NRG3: variants seen among roughly 807,000 people sequenced by gnomAD.
The protein encoded by NRG3 is neuregulin 3.
Under a neutral mutation model 66.9 loss-of-function variants are expected in NRG3, and 31 were observed. The observed-to-expected ratio is 0.46, with a 90% CI of 0.35 to 0.63. The LOEUF (loss-of-function observed/expected upper bound fraction) is 0.63. Ranked by LOEUF, NRG3 falls within the 20% of genes least tolerant of loss-of-function variation. The pLI is 0.00. For synonymous variants in NRG3, 393 were observed against 359.4 expected, an observed-to-expected ratio of 1.09 and a Z score of -1.06; for missense variants, 910 against 878.9, an observed-to-expected ratio of 1.04 and a Z score of -0.45.
At chr10:81,977,125 G>T (rs968472736) in intron 1 of NRG3, among the ~76,000 whole-genome samples, 4 of 152,172 alleles carry the variant, frequency 2.6e-5, no homozygotes, top group African/African-American at 4.8e-5. Flanking sequence ...GTCAGGCACT[G>T]CATTAAAATT....
chr10:82,475,005 A>G (rs546854158), intron 2 of NRG3, among the ~76,000 whole-genome samples: 5 of 152,122 alleles, frequency 3.3e-5, no homozygotes, highest in African/African-American at 1.2e-4. Context: ...AAGAAAAAAA[A>G]CTTATCAACC....
chr10:81,895,351 TAAC>T (rs1225369301), intron 1 of NRG3, among the ~76,000 whole-genome samples: 3 of 152,146 alleles, frequency 2.0e-5, no homozygotes, highest in Non-Finnish European at 2.9e-5. Flanking sequence ...TACATTCTAA[TAAC>T]AGCCCCAAAA....
chr10:82,347,896 C>CT (rs1346860253), intron 1 of NRG3, among the ~76,000 whole-genome samples: 1 of 151,556 alleles, frequency 6.6e-6, no homozygotes, highest in African/African-American at 2.4e-5. Flanking sequence ...CAACCCCTGC[C>CT]TTTTTTTGTT....
chr10:82,730,786 C>T lies in NRG3; in HGVS notation c.954-7791C>T, dbSNP rs1262770553. ...ATTCTCCATAGTCAAACTTAGATCT[C>T]AGTTTCCGTGATGAGTGGCTGGGGA... On this transcript the variant is annotated intron_variant, in intron 2 of 8. Transcript: ENST00000372141. 2.6e-5 allele frequency among the ~76,000 whole-genome samples: 4 copies of T among 152,160 alleles called. No homozygotes were observed. In the East Asian group the frequency reaches 7.7e-4, roughly 29 times the overall value.
chr10:82,325,559 T>C (rs1446016234), intron 1 of NRG3, among the ~76,000 whole-genome samples: 1 of 152,188 alleles, frequency 6.6e-6, no homozygotes, highest in Non-Finnish European at 1.5e-5. Context: ...TAAAGTGGGC[T>C]TTTTGTAGGC....
intron 2 of NRG3, among the ~76,000 whole-genome samples, chr10:82,599,159 T>C (rs769283718): frequency 1.3e-5 from 2 of 152,248 alleles, no homozygotes; most frequent in Admixed American, 6.5e-5. Context: ...CTGAGAATAA[T>C]TGAGAACTAA....
chr10:82,810,736 C>CT (rs1012232759), intron 3 of NRG3, among the ~76,000 whole-genome samples: 16 of 116,712 alleles, frequency 1.4e-4, no homozygotes, highest in Admixed American at 8.0e-4. Flanking sequence ...GCACTCCAGC[C>CT]TAAAAAAAAA....
At chr10:82,671,089 A>G (rs1490902336) in intron 2 of NRG3, among the ~76,000 whole-genome samples, 3 of 152,144 alleles carry the variant, frequency 2.0e-5, no homozygotes, top group Admixed American at 1.3e-4. Flanking sequence ...CTGCATCCAC[A>G]ATATGTTGCC....
Position 82,421,605 on chromosome 10 carries a change from T to G in NRG3, c.953+62737T>G, listed in dbSNP as rs2089078256. On this transcript the variant is annotated intron_variant, in intron 2 of 8. Transcript: ENST00000372141. ...TGTAAAAAATGAATTTCCCAAATGCTTCTCTAGTGCTTATTCAGCTCTGCT... is the reference window on the plus strand; with the variant it reads ...TGTAAAAAATGAATTTCCCAAATGCGTCTCTAGTGCTTATTCAGCTCTGCT... Among the ~76,000 whole-genome samples the G allele has an allele frequency of 2.0e-5, 3 of 152,250 alleles. No individual in the cohort carries two copies. In the South Asian group the frequency reaches 6.2e-4, roughly 31 times the overall value.
At chr10:82,792,641 G>A (rs963267218) in intron 3 of NRG3, among the ~76,000 whole-genome samples, 10 of 151,800 alleles carry the variant, frequency 6.6e-5, no homozygotes, top group Non-Finnish European at 2.9e-5. Flanking sequence ...AAATTTTTAG[G>A]ATGATTTAAT....
chr10:82,857,887 A>T (rs1182897306), intron 3 of NRG3, among the ~76,000 whole-genome samples: 1 of 152,196 alleles, frequency 6.6e-6, no homozygotes, highest in Non-Finnish European at 1.5e-5. Flanking sequence ...TGCACTAAGG[A>T]TAAAATGCTT....
At chr10:82,930,809 T>G (rs781757597) in intron 4 of NRG3, among the ~76,000 whole-genome samples, 2 of 152,170 alleles carry the variant, frequency 1.3e-5, no homozygotes, top group Admixed American at 1.3e-4. Context: ...TAGAAGCTCA[T>G]ACTGGGAACC....
intron 2 of NRG3, among the ~76,000 whole-genome samples, chr10:82,633,623 G>C (rs2049991053): frequency 6.6e-6 from 1 of 152,162 alleles, no homozygotes; most frequent in African/African-American, 2.4e-5. Flanking sequence ...AGATGTCCAA[G>C]CATCAGGAGT....
At chr10:82,272,681 C>T (rs1393080334) in intron 1 of NRG3, among the ~76,000 whole-genome samples, 1 of 152,036 alleles carries the variant, frequency 6.6e-6, no homozygotes, top group African/African-American at 2.4e-5. Flanking sequence ...TATTCCATGA[C>T]ATATTCATGT....
intron 2 of NRG3, among the ~76,000 whole-genome samples, chr10:82,401,304 T>A (rs115600934): frequency 2.5e-3 from 386 of 152,224 alleles, no homozygotes; most frequent in African/African-American, 8.8e-3. Context: ...TACATACACA[T>A]GTATATGGGT....
At chr10:82,232,101 G>A (rs1323114161) in intron 1 of NRG3, 2 of 152,162 alleles carry the variant, frequency 1.3e-5, no homozygotes, top group African/African-American at 4.8e-5. Context: ...CAGATGTTCA[G>A]TTGGCTGGGA....
At chr10:81,995,024 A>G (rs1204339125) in intron 1 of NRG3, among the ~76,000 whole-genome samples, 1 of 152,028 alleles carries the variant, frequency 6.6e-6, no homozygotes, top group Non-Finnish European at 1.5e-5. Context: ...GGTCTCTCAG[A>G]TATGTTTTTC....
chr10:82,622,193 C>G (rs909184498), intron 2 of NRG3, among the ~76,000 whole-genome samples: 2 of 151,600 alleles, frequency 1.3e-5, no homozygotes, highest in African/African-American at 4.8e-5. Context: ...GTTAGCTATG[C>G]TATTTATCAT....
intron 1 of NRG3, among the ~76,000 whole-genome samples, chr10:82,255,693 C>G (rs904740859): frequency 6.6e-6 from 1 of 152,114 alleles, no homozygotes; most frequent in South Asian, 2.1e-4. Context: ...ACCTCTGCCT[C>G]CTGGGTTCAA....
Sources: gnomAD v4.1 joint callset for allele counts (sites outside exome capture counted in the v4.1 genomes callset) on GRCh38, gnomAD v4.1.1 for gene constraint, MANE v1.5 for transcripts, NCBI Gene and HGNC (gene_info 2026-07-23, HGNC 2026-07-21) for gene names.